Variants in SOAT1 observed in about 807,000 individuals in gnomAD.
SOAT1 encodes the protein acyl-coenzyme A:cholesterol acyltransferase 1.
SOAT1 carries 55 observed loss-of-function variants against 69.5 expected under a neutral mutation model. That is an observed-to-expected ratio of 0.79 (90% CI 0.64 to 0.99). The LOEUF (loss-of-function observed/expected upper bound fraction) is 0.99, where lower values mean the gene tolerates loss of function less well. Among genes scored for constraint, SOAT1 ranks in the 50% least tolerant of loss-of-function variants. The pLI is 0.00. For synonymous variants in SOAT1, 231 were observed against 224.7 expected (o/e 1.03, Z -0.25); for missense variants, 580 against 669.3 (o/e 0.87, Z 1.47).
At chr1:179,306,723 T>TC (rs1401167591) in intron 2 of SOAT1, among the ~76,000 whole-genome samples, 1 of 147,424 alleles carries the variant, frequency 6.8e-6, no homozygotes, top group Non-Finnish European at 1.5e-5. Context: ...TCCCAGCTAC[T>TC]GGGAGGCTGA....
chr1:179,346,386 A>G (rs1461721814), intron 11 of SOAT1, among the ~76,000 whole-genome samples: 2 of 152,236 alleles, frequency 1.3e-5, no homozygotes, highest in East Asian at 1.9e-4. Context: ...TGTAATATGT[A>G]CTACATAAGT....
At chr1:179,329,268 G>A (rs990897574) in intron 3 of SOAT1, among the ~76,000 whole-genome samples, 7 of 151,978 alleles carry the variant, frequency 4.6e-5, no homozygotes, top group Non-Finnish European at 1.0e-4. Flanking sequence ...GAACCCAGGA[G>A]GCAGAGGTTG....
intron 15 of SOAT1, 42 bp from the exon 16 acceptor site, chr1:179,353,541 CTG>C (rs767574650): frequency 1.9e-6 from 3 of 1,546,166 alleles, no homozygotes; most frequent in Non-Finnish European, 2.7e-6. Flanking sequence ...CTCCTCTACT[CTG>C]TACACAAATT....
In SOAT1 at chr1:179,343,752, A is replaced by T. The variant is rs1369173492; in HGVS notation, c.987+117A>T. 5.4e-6 allele frequency: 4 copies of T among 734,098 alleles called. No homozygotes were observed. In the African/African-American group the frequency reaches 7.2e-5, roughly 13 times the overall value. The allele number at this position is 734,098 out of a possible 1,614,324, so 45.5% of individuals were successfully genotyped here. On this transcript the variant is annotated intron_variant, in intron 10 of 15. Coordinates refer to ENST00000367619, the MANE Select transcript of SOAT1 (RefSeq NM_003101.6). ...GCTAAGAATGCTTTCTGTTGACATT[A>T]TGCAGTCTTTTAAACTATTTCCAGT...
intron 3 of SOAT1, among the ~76,000 whole-genome samples, chr1:179,327,058 C>G (rs1259791465): frequency 6.6e-6 from 1 of 152,206 alleles, no homozygotes; most frequent in Non-Finnish European, 1.5e-5. Context: ...AGCTTTTATA[C>G]TAGGTGCTTT....
intron 1 of SOAT1, among the ~76,000 whole-genome samples, chr1:179,295,227 C>T (rs1489329272): frequency 6.6e-6 from 1 of 152,184 alleles, no homozygotes; most frequent in Admixed American, 6.5e-5. Flanking sequence ...ATTTTTGTTA[C>T]TGGAAAGCTT....
intron 2 of SOAT1, among the ~76,000 whole-genome samples, chr1:179,309,935 C>G (rs1298066718): frequency 6.6e-6 from 1 of 151,826 alleles, no homozygotes; most frequent in Non-Finnish European, 1.5e-5. Flanking sequence ...CGCTCTGTTG[C>G]CCAGGCTGGA....
At chr1:179,351,202 C>T (rs1558060817) in intron 14 of SOAT1, 115 bp from the exon 15 acceptor site, 3 of 835,766 alleles carry the variant, frequency 3.6e-6, no homozygotes, top group East Asian at 5.2e-5. Context: ...CACCACCACG[C>T]CTGGCTAATT....
intron 1 of SOAT1, among the ~76,000 whole-genome samples, chr1:179,297,933 C>T (rs1457143175): frequency 8.1e-5 from 12 of 148,326 alleles, no homozygotes; most frequent in African/African-American, 2.0e-4. Flanking sequence ...ATCCAGGAGG[C>T]GGAGGTTGCG....
chr1:179,297,526 G>T (rs1203382119), intron 1 of SOAT1, among the ~76,000 whole-genome samples: 3 of 151,772 alleles, frequency 2.0e-5, no homozygotes, highest in Non-Finnish European at 4.4e-5. Flanking sequence ...TAGTAGAGAC[G>T]GGGTTTCATC....
chr1:179,325,504 T>C (rs950409380), intron 3 of SOAT1, among the ~76,000 whole-genome samples: 2 of 152,140 alleles, frequency 1.3e-5, no homozygotes, highest in African/African-American at 4.8e-5. Flanking sequence ...CCCTTTTTAT[T>C]TCTCTAGTCA....
chr1:179,352,774 C>G lies in SOAT1; in HGVS notation c.1597-811C>G, dbSNP rs79218307. 1.2e-3 allele frequency among the ~76,000 whole-genome samples: 188 copies of G among 151,654 alleles called. 1 individual carries two copies. The highest frequency in any genetic ancestry group is 4.4e-3 in the African/African-American group (180 of 41,040). ...ATCAGTTTCCTCTCCAAAGCTTCCC[C>G]TCTTTCTGTGTACCCTATGTCTGTT... On this transcript the variant is annotated intron_variant, in intron 15 of 15. Coordinates refer to ENST00000367619, the MANE Select transcript of SOAT1 (RefSeq NM_003101.6).
chr1:179,300,962 G>A (rs1664812630), intron 1 of SOAT1, among the ~76,000 whole-genome samples: 1 of 152,084 alleles, frequency 6.6e-6, no homozygotes, highest in Non-Finnish European at 1.5e-5. Context: ...ACGTGTGGTG[G>A]CAGTCACCTG....
At chr1:179,345,407 C>T (rs904573626) in intron 11 of SOAT1, among the ~76,000 whole-genome samples, 2 of 152,188 alleles carry the variant, frequency 1.3e-5, no homozygotes, top group African/African-American at 4.8e-5. Context: ...GTTGAAATTA[C>T]TAGTAACTTG....
chr1:179,353,219 A>AAATATAAATATATATATATT (rs1666804848), intron 15 of SOAT1, among the ~76,000 whole-genome samples: 2 of 121,338 alleles, frequency 1.6e-5, no homozygotes, highest in African/African-American at 6.2e-5. Flanking sequence ...ATATATATAT[A>AAATATAAATATATATATATT]TATATCTATT....
chr1:179,300,975 A>G (rs911024343), intron 1 of SOAT1, among the ~76,000 whole-genome samples: 4 of 152,054 alleles, frequency 2.6e-5, no homozygotes, highest in Admixed American at 6.6e-5. Flanking sequence ...GTCACCTGTA[A>G]TCTCAGCCAC....
chr1:179,349,766 C>T (rs1456873179), intron 13 of SOAT1, among the ~76,000 whole-genome samples: 1 of 152,110 alleles, frequency 6.6e-6, no homozygotes, highest in African/African-American at 2.4e-5. Context: ...GGTTGATAAA[C>T]AGGTATCTAG....
intron 1 of SOAT1, among the ~76,000 whole-genome samples, chr1:179,300,608 A>G (rs1261591034): frequency 4.6e-5 from 7 of 152,148 alleles, no homozygotes; most frequent in Non-Finnish European, 2.9e-5. Context: ...AACCAAACCC[A>G]CCATGTACTA....
At chr1:179,337,134 T>A (rs1424366805) in intron 4 of SOAT1, among the ~76,000 whole-genome samples, 1 of 152,222 alleles carries the variant, frequency 6.6e-6, no homozygotes, top group Non-Finnish European at 1.5e-5. Flanking sequence ...AAGGCTAATA[T>A]GTGTTAACTT....
Sources: allele counts gnomAD v4.1 joint callset (sites outside exome capture counted in the v4.1 genomes callset), GRCh38; gene constraint gnomAD v4.1.1; transcripts MANE v1.5; gene names NCBI Gene and HGNC (gene_info 2026-07-23, HGNC 2026-07-21).